Variants in APBA1 observed in about 807,000 individuals in gnomAD.
The protein encoded by APBA1 is amyloid-beta A4 precursor protein-binding family A member 1.
APBA1 carries 55 observed loss-of-function variants against 86.6 expected under a neutral mutation model. The ratio of observed to expected loss-of-function variants is 0.64; its 90% CI spans 0.51 to 0.80. APBA1 has a LOEUF of 0.80. Among genes scored for constraint, APBA1 ranks in the 30% least tolerant of loss-of-function variants. APBA1 has a pLI of 0.00. For missense variants in APBA1, 1,090 were observed against 1,183.0 expected (o/e 0.92, Z 1.15); for synonymous variants, 511 against 493.9 (o/e 1.03, Z -0.46).
At chr9:69,523,064 G>A (rs1260677875) in intron 1 of APBA1, among the ~76,000 whole-genome samples, 1 of 152,116 alleles carries the variant, frequency 6.6e-6, no homozygotes, top group African/African-American at 2.4e-5. Flanking sequence ...AGCTTGGGTG[G>A]AAAAGGTGAA....
intron 4 of APBA1, among the ~76,000 whole-genome samples, chr9:69,469,949 C>A (rs189730195): frequency 3.6e-4 from 55 of 152,292 alleles, no homozygotes; most frequent in African/African-American, 1.2e-3. Flanking sequence ...ACCTTCTCTA[C>A]GGGACTTCTA....
intron 1 of APBA1, among the ~76,000 whole-genome samples, chr9:69,551,353 A>T (rs1588357807): frequency 6.6e-6 from 1 of 152,178 alleles, no homozygotes; most frequent in Non-Finnish European, 1.5e-5. Flanking sequence ...GGAGTTCGAG[A>T]CCAGCCTGTC....
intron 1 of APBA1, among the ~76,000 whole-genome samples, chr9:69,536,044 T>G (rs980281824): frequency 3.5e-4 from 20 of 57,584 alleles, no homozygotes; most frequent in Admixed American, 9.5e-4. Context: ...GTGCAGTTTT[T>G]TGTTTTTTTT....
intron 2 of APBA1, among the ~76,000 whole-genome samples, chr9:69,499,535 G>T (rs1309071221): frequency 6.6e-6 from 1 of 152,044 alleles, no homozygotes; most frequent in Non-Finnish European, 1.5e-5. Context: ...TTGGCAGCAA[G>T]ACAGTTCTTT....
intron 2 of APBA1, among the ~76,000 whole-genome samples, chr9:69,487,248 G>GAGTTCT (rs1835626298): frequency 6.6e-6 from 1 of 152,028 alleles, no homozygotes; most frequent in African/African-American, 2.4e-5. Context: ...CACAAAAAGT[G>GAGTTCT]AGTTCTATGT....
At chr9:69,612,691 T>A (rs1026484159) in intron 1 of APBA1, among the ~76,000 whole-genome samples, 1 of 152,052 alleles carries the variant, frequency 6.6e-6, no homozygotes, top group African/African-American at 2.4e-5. Context: ...AAATTATGTA[T>A]ACAAAATGTA....
intron 5 of APBA1, among the ~76,000 whole-genome samples, chr9:69,459,173 A>G (rs1163933234): frequency 1.3e-5 from 2 of 152,212 alleles, no homozygotes; most frequent in Non-Finnish European, 1.5e-5. Flanking sequence ...CTGTATGTCA[A>G]TCTTTTGAAA....
chr9:69,451,230 C>A (rs114162097), intron 9 of APBA1, among the ~76,000 whole-genome samples: 1,573 of 152,280 alleles, frequency 0.01, 22 homozygotes, highest in African/African-American at 0.035. Context: ...GGACCACACC[C>A]TTACTTGGTG....
chr9:69,604,733 GGCACACAT>G (rs1175183870), intron 1 of APBA1, among the ~76,000 whole-genome samples: 98 of 140,424 alleles, frequency 7.0e-4, no homozygotes, highest in Middle Eastern at 4.1e-3. Context: ...CACGAGTGTG[GGCACACAT>G]GCACACACAT....
intron 1 of APBA1, among the ~76,000 whole-genome samples, chr9:69,603,072 G>C (rs1403365472): frequency 1.3e-5 from 2 of 152,172 alleles, no homozygotes; most frequent in Non-Finnish European, 1.5e-5. Context: ...AAAAAGACAA[G>C]TGATGCATGG....
At chr9:69,442,420 A>C (rs1834839346) in intron 10 of APBA1, among the ~76,000 whole-genome samples, 1 of 152,134 alleles carries the variant, frequency 6.6e-6, no homozygotes, top group Non-Finnish European at 1.5e-5. Context: ...CTGCCTGGGA[A>C]ACCGCTCAAG....
In APBA1 at chr9:69,535,540, C is replaced by G. The variant is rs565732144; in HGVS notation, c.-69-18261G>C. 3.3e-5 allele frequency among the ~76,000 whole-genome samples: 5 copies of G among 152,276 alleles called. No individual in the cohort carries two copies. In the South Asian group the frequency reaches 1.0e-3, roughly 32 times the overall value. ...TCTGAAGAGCTGTGTCTTTCTTCAG[C>G]TTTGGGGAATATTCTATTATTTCTG... On this transcript the variant is annotated intron_variant, in intron 1 of 12. Coordinates refer to ENST00000265381, the MANE Select transcript of APBA1 (RefSeq NM_001163.4).
At chr9:69,557,026 C>G (rs1836871929) in intron 1 of APBA1, among the ~76,000 whole-genome samples, 1 of 152,084 alleles carries the variant, frequency 6.6e-6, no homozygotes, top group African/African-American at 2.4e-5. Context: ...AAATGAGAGG[C>G]TGGCATGAAA....
chr9:69,516,536 C>A lies in APBA1; in HGVS notation c.675G>T (p.Ala225=). The part of the protein sequence containing the change: ...LYEQERDEAA[A]YRQEALGARL... ...GCGCGCCCAGGGCCTCCTGGCGGTACGCGGCCGCCTCGTCGCGCTCCTGCT... is the reference window on the plus strand; with the variant it reads ...GCGCGCCCAGGGCCTCCTGGCGGTAAGCGGCCGCCTCGTCGCGCTCCTGCT... Residue 225 remains alanine, a synonymous_variant, in exon 2 of 13, where the codon GCG becomes GCT. Transcript: ENST00000265381. This position sits in a 1 kb window ranked among gnomAD's most constrained non-coding sequence, Gnocchi z 7.3. 6.3e-7 allele frequency: 1 copy of A among 1,594,628 alleles called. No homozygotes were observed. Among genetic ancestry groups the A allele is most frequent in the Non-Finnish European group, 8.5e-7 (1 of 1,176,336 alleles).
intron 1 of APBA1, among the ~76,000 whole-genome samples, chr9:69,649,779 AG>A (rs1588411965): frequency 1.3e-5 from 2 of 152,168 alleles, no homozygotes; most frequent in South Asian, 4.2e-4. Flanking sequence ...AGGGCCTCAG[AG>A]GGTCTGGAGG....
chr9:69,591,741 T>C (rs983422702), intron 1 of APBA1, among the ~76,000 whole-genome samples: 13 of 152,220 alleles, frequency 8.5e-5, no homozygotes, highest in Non-Finnish European at 1.5e-4. Context: ...ATGTAGGATT[T>C]ACAGATCCGT....
At chr9:69,498,848 C>T (rs1835839363) in intron 2 of APBA1, among the ~76,000 whole-genome samples, 1 of 152,084 alleles carries the variant, frequency 6.6e-6, no homozygotes, top group Non-Finnish European at 1.5e-5. Flanking sequence ...TTCAATGAAA[C>T]ACAAAGGTAT....
chr9:69,556,340 A>G (rs1401578145), intron 1 of APBA1, among the ~76,000 whole-genome samples: 5 of 152,158 alleles, frequency 3.3e-5, no homozygotes, highest in Non-Finnish European at 7.4e-5. Flanking sequence ...TCCACACTAA[A>G]GACTGAAGTC....
chr9:69,664,346 C>T (rs1247674465), intron 1 of APBA1, among the ~76,000 whole-genome samples: 1 of 152,134 alleles, frequency 6.6e-6, no homozygotes, highest in Non-Finnish European at 1.5e-5. Flanking sequence ...CATAAATATA[C>T]TCCTTTAGGA....
Sources: gnomAD v4.1 joint callset for allele counts (sites outside exome capture counted in the v4.1 genomes callset) on GRCh38, gnomAD v4.1.1 for gene constraint, Gnocchi (gnomAD v3.1) non-coding constraint, MANE v1.5 for transcripts, NCBI Gene and HGNC (gene_info 2026-07-23, HGNC 2026-07-21) for gene names.